The following GYPB variants were observed in gnomAD, a reference collection of about 807,000 sequenced individuals.
The protein encoded by GYPB is glycophorin-B.
A neutral mutation model predicts 15.3 loss-of-function variants in GYPB; 13 were observed. The observed-to-expected ratio is 0.85, with a 90% CI of 0.55 to 1.35. The LOEUF is 1.35. Ranked by LOEUF, GYPB falls within the 40% of genes most tolerant of loss-of-function variation. The pLI is 0.00. For missense variants in GYPB, 131 were observed against 108.3 expected (o/e 1.21, Z -0.93); for synonymous variants, 38 against 36.9 (o/e 1.03, Z -0.11).
intron 1 of GYPB, among the ~76,000 whole-genome samples, chr4:144,016,271 G>A (rs1728495016): frequency 6.7e-6 from 1 of 150,324 alleles, no homozygotes; most frequent in South Asian, 2.1e-4. Context: ...TCTATGCGGA[G>A]CACTCACTGT....
At chr4:144,012,807 G>T (rs1728283704) in intron 1 of GYPB, 1 of 151,316 alleles carries the variant, frequency 6.6e-6, no homozygotes, top group African/African-American at 2.5e-5. Context: ...AAAATTAACT[G>T]ATAATAAACC....
chr4:144,013,773 G>A (rs548344768), intron 1 of GYPB, among the ~76,000 whole-genome samples: 9 of 110,186 alleles, frequency 8.2e-5, no homozygotes, highest in Non-Finnish European at 1.9e-5. Flanking sequence ...CTGCTGTGGG[G>A]TTGGGGGGGA....
At chr4:144,005,077 A>G (rs1727832957) in intron 1 of GYPB, among the ~76,000 whole-genome samples, 1 of 151,962 alleles carries the variant, frequency 6.6e-6, no homozygotes, top group Non-Finnish European at 1.5e-5. Context: ...TCAAAAATCT[A>G]CTTGTGTCAT....
At chr4:144,009,215 TG>T (rs755852135) in intron 1 of GYPB, among the ~76,000 whole-genome samples, 22 of 151,492 alleles carry the variant, frequency 1.5e-4, no homozygotes, top group Non-Finnish European at 2.6e-4. Context: ...CCTGAGTGTT[TG>T]GCCTGCAGCC....
At position 144,000,162 on chromosome 4, in the gene GYPB, A is replaced by G. The variant is rs540008812; in HGVS notation, c.137-713T>C. On this transcript the variant is annotated intron_variant, in intron 2 of 4. Transcript: ENST00000502664. ...TTGTTTGATGATTGAGGATTCAGGT[A>G]TATTTTTTCATTCTTTAGGCTTTAC... 58 of 163,628 alleles carry G rather than the reference A, an allele frequency of 3.5e-4. No homozygotes were observed. The Middle Eastern group carries it at 8.8e-3, about 25-fold the overall frequency. The allele number at this position is 163,628 out of a possible 1,614,324, so 10.1% of individuals were successfully genotyped here.
Position 144,002,332 on chromosome 4 carries a change from G to A in GYPB, c.38-1049C>T, listed in dbSNP as rs565212113. ...ATATGGGATCATGGTGTTTAAATATGTGTGAATATGTATATAATGTTTACA... is the reference window on the plus strand; with the variant it reads ...ATATGGGATCATGGTGTTTAAATATATGTGAATATGTATATAATGTTTACA... On this transcript the variant is annotated intron_variant, in intron 1 of 4. Transcript: ENST00000502664. Among the ~76,000 whole-genome samples, 519 of 151,482 alleles carry A rather than the reference G, an allele frequency of 3.4e-3. 22 individuals are homozygous for A. The highest frequency in any genetic ancestry group is 0.012 in the African/African-American group (479 of 40,828).
chr4:144,000,819 C>G lies in GYPB; in HGVS notation c.136+366G>C, dbSNP rs1040677800. Among the ~76,000 whole-genome samples, 4 of 151,218 alleles carry G rather than the reference C, an allele frequency of 2.6e-5. 1 individual carries two copies. Among genetic ancestry groups the G allele is most frequent in the African/African-American group, 7.4e-5 (3 of 40,502 alleles). ...TAGAAACCCTGCAGGGCAACTCACCCTGGGTCAGCAGCTGGGATAGAGCTG... is the reference window on the plus strand; with the variant it reads ...TAGAAACCCTGCAGGGCAACTCACCGTGGGTCAGCAGCTGGGATAGAGCTG... On this transcript the variant is annotated intron_variant, in intron 2 of 4. Coordinates refer to ENST00000502664, the MANE Select transcript of GYPB (RefSeq NM_002100.6).
At chr4:144,004,565 C>T (rs1727795534) in intron 1 of GYPB, among the ~76,000 whole-genome samples, 1 of 150,402 alleles carries the variant, frequency 6.6e-6, no homozygotes, top group South Asian at 2.1e-4. Context: ...TAAAGAATTT[C>T]ATCAATACCT....
intron 1 of GYPB, among the ~76,000 whole-genome samples, chr4:144,014,181 AGAGTT>A (rs1728371647): frequency 6.6e-6 from 1 of 151,860 alleles, no homozygotes; most frequent in Non-Finnish European, 1.5e-5. Flanking sequence ...CCTGTGGAAA[AGAGTT>A]GAGCAGTTCC....
At chr4:144,002,719 A>G in intron 1 of GYPB, 1 of 1,284,242 alleles carries the variant, frequency 7.8e-7, no homozygotes, top group South Asian at 1.2e-5. Context: ...AATAACAGAA[A>G]ACATCTTCTC....
intron 1 of GYPB, among the ~76,000 whole-genome samples, chr4:144,004,692 A>G (rs189854477): frequency 0.013 from 1,988 of 151,758 alleles, 130 homozygotes; most frequent in African/African-American, 0.046. Flanking sequence ...TAAGGAAACC[A>G]AATTTCCACA....
At chr4:144,010,098 G>T (rs1284174245) in intron 1 of GYPB, among the ~76,000 whole-genome samples, 1 of 151,168 alleles carries the variant, frequency 6.6e-6, no homozygotes, top group African/African-American at 2.5e-5. Flanking sequence ...ATTCTAACCT[G>T]CAGTCAGGAT....
intron 1 of GYPB, among the ~76,000 whole-genome samples, chr4:144,018,544 A>G (rs1728622098): frequency 6.6e-6 from 1 of 151,330 alleles, no homozygotes; most frequent in Non-Finnish European, 1.5e-5. Context: ...ATGTTTAACT[A>G]TAATATTCTC....
intron 1 of GYPB, among the ~76,000 whole-genome samples, chr4:144,007,492 T>G (rs1339049095): frequency 0.081 from 11,650 of 143,974 alleles, 637 homozygotes; most frequent in Non-Finnish European, 0.11. Context: ...GAACTTTTTA[T>G]CCTGGCTCTG....
chr4:143,996,463 T>C (rs6537238), intron 4 of GYPB, among the ~76,000 whole-genome samples, 159 bp from the exon 5 acceptor site: 104,820 of 150,530 alleles, frequency 0.7, 37,271 homozygotes, highest in East Asian at 0.95. Context: ...GTTCTTTTGG[T>C]TTTATAAAAA....
intron 1 of GYPB, among the ~76,000 whole-genome samples, chr4:144,005,411 A>T (rs1391102288): frequency 1.3e-5 from 2 of 151,976 alleles, no homozygotes; most frequent in African/African-American, 4.9e-5. Flanking sequence ...GGACAACTAA[A>T]TTCCTGAGCT....
intron 4 of GYPB, among the ~76,000 whole-genome samples, 195 bp from the exon 5 acceptor site, chr4:143,996,499 C>A (rs1265840251): frequency 6.6e-6 from 1 of 151,176 alleles, no homozygotes; most frequent in African/African-American, 2.5e-5. Context: ...GGCGCAGTGG[C>A]TCACACCTGT....
chr4:144,003,548 C>A (rs145667987), intron 1 of GYPB, among the ~76,000 whole-genome samples: 2,067 of 151,390 alleles, frequency 0.014, 156 homozygotes, highest in African/African-American at 0.047. Context: ...TTGGCACTTT[C>A]ATTATTTTAA....
chr4:144,002,044 C>A (rs1179169449), intron 1 of GYPB, among the ~76,000 whole-genome samples: 2 of 148,312 alleles, frequency 1.3e-5, no homozygotes, highest in Non-Finnish European at 3.0e-5. Flanking sequence ...CTTTTAAAAT[C>A]TCATTAAATA....
Sources: allele counts gnomAD v4.1 joint callset (sites outside exome capture counted in the v4.1 genomes callset), GRCh38; gene constraint gnomAD v4.1.1; transcripts MANE v1.5; gene names NCBI Gene and HGNC (gene_info 2026-07-23, HGNC 2026-07-21).